The following AOPEP variants were observed in gnomAD, a reference collection of about 807,000 sequenced individuals.
AOPEP encodes aminopeptidase O (putative).
AOPEP carries 77 observed loss-of-function variants against 98.1 expected under a neutral mutation model. The ratio of observed to expected loss-of-function variants is 0.78; its 90% CI spans 0.65 to 0.95. The LOEUF (loss-of-function observed/expected upper bound fraction) is 0.95. Ranked by LOEUF, AOPEP falls within the 40% of genes least tolerant of loss-of-function variation. The pLI, the probability that AOPEP is intolerant of heterozygous loss-of-function variation, is 0.00. For missense variants in AOPEP, 1,024 were observed against 1,024.7 expected (o/e 1.00, Z 0.01); for synonymous variants, 346 against 365.3 (o/e 0.95, Z 0.60).
intron 7 of AOPEP, chr9:94,931,836 T>C: frequency 6.6e-7 from 1 of 1,513,388 alleles, no homozygotes; most frequent in Non-Finnish European, 9.0e-7. Context: ...CCTCCTGGCT[T>C]CTGTGTGTCT....
At chr9:94,766,511 TG>T (rs1295112822) in intron 2 of AOPEP, among the ~76,000 whole-genome samples, 18 of 152,360 alleles carry the variant, frequency 1.2e-4, no homozygotes, top group South Asian at 2.1e-4. Flanking sequence ...CACTCCAGCC[TG>T]GGCGACAGAG....
intron 1 of AOPEP, among the ~76,000 whole-genome samples, chr9:94,729,456 G>A (rs1272604409): frequency 1.3e-5 from 2 of 151,946 alleles, no homozygotes; most frequent in South Asian, 4.1e-4. Flanking sequence ...TGTAGTCTCA[G>A]GTACTTGGGG....
chr9:94,986,143 T>C (rs1488222010), intron 11 of AOPEP, among the ~76,000 whole-genome samples: 3 of 152,040 alleles, frequency 2.0e-5, no homozygotes, highest in African/African-American at 7.2e-5. Flanking sequence ...GCCAACAGCG[T>C]TGGTTTCTGG....
At chr9:94,828,977 T>G (rs1333076657) in intron 5 of AOPEP, among the ~76,000 whole-genome samples, 1 of 151,918 alleles carries the variant, frequency 6.6e-6, no homozygotes, top group East Asian at 1.9e-4. Context: ...CAGGTGATTC[T>G]CCTGCCTCAG....
At chr9:95,101,725 C>CTCTTTAAGGAGCTCTCGG in the AOPEP span, 7 of 1,614,064 alleles carry the variant, frequency 4.3e-6, no homozygotes, top group Non-Finnish European at 5.9e-6. Flanking sequence ...GAGTTCGCAG[C>CTCTTTAAGGAGCTCTCGG]TCTTTAAGGA....
At chr9:94,850,605 T>C (rs2043437114) in intron 5 of AOPEP, among the ~76,000 whole-genome samples, 1 of 152,202 alleles carries the variant, frequency 6.6e-6, no homozygotes, top group Non-Finnish European at 1.5e-5. Context: ...ACCGCCCGAC[T>C]CCAGAGTGGT....
chr9:95,084,532 CGTTTT>C (rs1197514901), intron 16 of AOPEP, among the ~76,000 whole-genome samples: 3 of 152,144 alleles, frequency 2.0e-5, no homozygotes, highest in Admixed American at 6.5e-5. Flanking sequence ...GTTTCTCTTT[CGTTTT>C]GTTATTTCGT....
intron 2 of AOPEP, among the ~76,000 whole-genome samples, chr9:94,765,441 A>ATAATAATAATAG (rs1839356186): frequency 2.2e-5 from 3 of 137,690 alleles, no homozygotes; most frequent in African/African-American, 8.1e-5. Context: ...CTCTACAAAA[A>ATAATAATAATAG]TAATAATAAT....
intron 5 of AOPEP, among the ~76,000 whole-genome samples, chr9:94,838,376 A>G (rs937103909): frequency 6.6e-6 from 1 of 152,208 alleles, no homozygotes; most frequent in African/African-American, 2.4e-5. Context: ...TTGCCTTAGC[A>G]TCTTTATCAA....
At chr9:94,891,725 A>G (rs1459561164) in intron 5 of AOPEP, among the ~76,000 whole-genome samples, 2 of 152,220 alleles carry the variant, frequency 1.3e-5, no homozygotes, top group Non-Finnish European at 2.9e-5. Flanking sequence ...GTAGTGTTAT[A>G]ACTTTTGTTC....
At position 95,051,089 on chromosome 9, in the gene AOPEP, C is replaced by CTTTTTTT. The variant is rs34143867; in HGVS notation, c.2116-9593_2116-9587dup. ...ATCTCTAAAATGTTTTTGTGGCTTACTTTTTTTTTTTTTTTTTTGAGACGG... is the reference window on the plus strand; with the variant it reads ...ATCTCTAAAATGTTTTTGTGGCTTACTTTTTTTTTTTTTTTTTTTTTTTTTGAGACGG... On this transcript the variant is annotated intron_variant, in intron 13 of 16. Transcript: ENST00000375315. Among the ~76,000 whole-genome samples the CTTTTTTT allele has an allele frequency of 8.5e-5, 11 of 129,920 alleles. 1 individual carries two copies. The highest frequency in any genetic ancestry group is 9.5e-5 in the Non-Finnish European group (6 of 63,378). The allele number at this position is 129,920 out of a possible 152,430, so 85.2% of individuals were successfully genotyped here. A position where few individuals can be genotyped will look rare whatever the true frequency, so the allele number is the denominator to read the frequency against.
chr9:95,082,730 C>T lies in AOPEP; in HGVS notation c.*4+11C>T. 1 of 1,613,858 alleles carries T rather than the reference C, an allele frequency of 6.2e-7. No individual in the cohort carries two copies. The highest frequency in any genetic ancestry group is 8.5e-7 in the Non-Finnish European group (1 of 1,179,826). ...TGTTATTTTAACGAGGTGATTCTCT[C>T]CCTTTCCTTTCTGTCATTTAGTTCT... On this transcript the variant is annotated intron_variant, in intron 16 of 16. Coordinates refer to ENST00000375315, the MANE Select transcript of AOPEP (RefSeq NM_001193329.3).
chr9:95,034,084 C>G (rs1241782775), intron 13 of AOPEP, among the ~76,000 whole-genome samples: 1 of 152,180 alleles, frequency 6.6e-6, no homozygotes, highest in Non-Finnish European at 1.5e-5. Context: ...CCTGCCTTGT[C>G]TTCCATTAGA....
chr9:95,073,585 G>A (rs1334330334), intron 14 of AOPEP, among the ~76,000 whole-genome samples: 2 of 150,946 alleles, frequency 1.3e-5, no homozygotes, highest in South Asian at 2.1e-4. Flanking sequence ...GGCCGGGCGC[G>A]GTGGCTCACA....
the AOPEP span, among the ~76,000 whole-genome samples, chr9:95,117,057 C>T: frequency 6.6e-6 from 1 of 152,230 alleles, no homozygotes; most frequent in Non-Finnish European, 1.5e-5. Flanking sequence ...TATCTGGAGG[C>T]AGACTAGCAA....
chr9:95,033,376 G>A (rs1294875511), intron 13 of AOPEP, among the ~76,000 whole-genome samples: 1 of 152,016 alleles, frequency 6.6e-6, no homozygotes, highest in Non-Finnish European at 1.5e-5. Flanking sequence ...CCAGCAAAAT[G>A]TACTCATTCA....
the AOPEP span, among the ~76,000 whole-genome samples, chr9:95,093,073 T>C: frequency 6.6e-6 from 1 of 152,244 alleles, no homozygotes; most frequent in Non-Finnish European, 1.5e-5. Flanking sequence ...GCATTTATGT[T>C]GGGTTGTAAA....
chr9:94,768,717 C>T (rs1214089969), intron 2 of AOPEP, among the ~76,000 whole-genome samples: 1 of 152,354 alleles, frequency 6.6e-6, no homozygotes, highest in East Asian at 1.9e-4. Flanking sequence ...TCCTCTCATT[C>T]CCACAACTCC....
chr9:94,836,804 GT>G (rs138556163), intron 5 of AOPEP, among the ~76,000 whole-genome samples: 9,932 of 152,114 alleles, frequency 0.065, 1,074 homozygotes, highest in African/African-American at 0.23. Context: ...TTTCTACTAT[GT>G]TTTTACAAAA....
Sources: gnomAD v4.1 joint callset for allele counts (sites outside exome capture counted in the v4.1 genomes callset) on GRCh38, gnomAD v4.1.1 for gene constraint, MANE v1.5 for transcripts, NCBI Gene and HGNC (gene_info 2026-07-23, HGNC 2026-07-21) for gene names.